TAF5: variants seen among roughly 807,000 people sequenced by gnomAD.
TAF5 encodes the protein transcription initiation factor TFIID subunit 5.
A neutral mutation model predicts 80.9 loss-of-function variants in TAF5; 20 were observed. The ratio of observed to expected loss-of-function variants is 0.25; its 90% confidence interval spans 0.17 to 0.36. The LOEUF (loss-of-function observed/expected upper bound fraction) is 0.36, where lower values mean the gene tolerates loss of function less well. Among genes scored for constraint, TAF5 ranks in the 10% least tolerant of loss-of-function variants. The probability of loss-of-function intolerance (pLI) is 1.00; values close to 1 mark genes in which losing one functional copy is unlikely to be tolerated. For synonymous variants in TAF5, 388 were observed against 406.4 expected (o/e 0.95, Z 0.55); for missense variants, 863 against 1,029.4 (o/e 0.84, Z 2.21).
At chr10:103,385,585 C>T in intron 8 of TAF5, 95 bp downstream of exon 8, 1 of 1,352,774 alleles carries the variant, frequency 7.4e-7, no homozygotes, top group East Asian at 2.5e-5. Context: ...TTTACACTTC[C>T]ATTATTGAGG....
chr10:103,373,218 G>T, intron 1 of TAF5, 140 bp from the exon 2 acceptor site: 3 of 640,828 alleles, frequency 4.7e-6, no homozygotes, highest in Non-Finnish European at 7.9e-6. Flanking sequence ...AAAAGATTAT[G>T]TGATTGTGTT....
intron 10 of TAF5, 116 bp from the exon 11 acceptor site, chr10:103,387,890 T>G (rs541406035): frequency 8.7e-7 from 1 of 1,145,680 alleles, no homozygotes; most frequent in East Asian, 2.4e-5. Flanking sequence ...ATAGAGTTAT[T>G]GGTCAAGTTT....
intron 10 of TAF5, 34 bp from the exon 11 acceptor site, chr10:103,387,972 A>G (rs369558584): frequency 1.9e-6 from 3 of 1,567,288 alleles, no homozygotes; most frequent in African/African-American, 1.4e-5. Context: ...AATATGATGG[A>G]TGCAACTAAT....
At chr10:103,379,361 A>G (rs1303628032) in intron 3 of TAF5, among the ~76,000 whole-genome samples, 4 of 152,230 alleles carry the variant, frequency 2.6e-5, no homozygotes. Context: ...GTATACTTAT[A>G]TGGACATTCC....
In TAF5 at chr10:103,388,444, A is replaced by T; in HGVS notation, c.*221A>T. On this transcript the variant is annotated 3_prime_UTR_variant, in exon 11 of 11. Transcript: ENST00000369839. Reference sequence around the variant, plus strand: ...TGAATAAGAGGTATTATGATCATGGAGGGGACATTTATGGTGCTTTGGATT... The same window carrying T: ...TGAATAAGAGGTATTATGATCATGGTGGGGACATTTATGGTGCTTTGGATT... The T allele has an allele frequency of 2.2e-6, 1 of 448,320 alleles. No homozygotes were observed. The highest frequency in any genetic ancestry group is 3.4e-5 in the South Asian group (1 of 29,494). The allele number at this position is 448,320 out of a possible 1,614,324, so 27.8% of individuals were successfully genotyped here.
Position 103,379,779 on chromosome 10 carries a change from A to G in TAF5, c.1277+8A>G, listed in dbSNP as rs893351019. The G allele has an allele frequency of 1.3e-6, 2 of 1,592,322 alleles. No homozygotes were observed. The highest frequency in any genetic ancestry group is 2.7e-5 in the African/African-American group (2 of 73,272). ...TGCTCCACCTCAGAACAGGTGAGGA[A>G]AAAACTTCAGGAACTTGTGTGTGGA... is the stretch of plus-strand genomic sequence containing the variant. On this transcript the variant is annotated splice_region_variant and intron_variant, in intron 4 of 10. Coordinates refer to ENST00000369839, the MANE Select transcript of TAF5 (RefSeq NM_006951.5).
At chr10:103,380,916 C>T (rs1417854029) in intron 5 of TAF5, among the ~76,000 whole-genome samples, 1 of 152,054 alleles carries the variant, frequency 6.6e-6, no homozygotes, top group Non-Finnish European at 1.5e-5. Flanking sequence ...CCACCGTGCC[C>T]AGCCATATAA....
chr10:103,376,767 G>A (rs984024708), intron 2 of TAF5, among the ~76,000 whole-genome samples: 3 of 152,032 alleles, frequency 2.0e-5, no homozygotes, highest in Admixed American at 6.6e-5. Context: ...AAATTGAGCC[G>A]GGCATGGTGG....
chr10:103,384,515 T>G (rs998971639), intron 7 of TAF5, among the ~76,000 whole-genome samples: 1 of 151,994 alleles, frequency 6.6e-6, no homozygotes, highest in African/African-American at 2.4e-5. Flanking sequence ...CCTGTAATCC[T>G]GGCTACTTGG....
At chr10:103,382,406 G>A (rs372009277) in intron 6 of TAF5, among the ~76,000 whole-genome samples, 2 of 151,932 alleles carry the variant, frequency 1.3e-5, no homozygotes, top group East Asian at 1.9e-4. Context: ...TGTATTTTTA[G>A]TAGAGATAGG....
At chr10:103,383,397 T>C in intron 7 of TAF5, 30 bp downstream of exon 7, 1 of 1,554,736 alleles carries the variant, frequency 6.4e-7, no homozygotes, top group Non-Finnish European at 8.6e-7. Context: ...AATTAAATAC[T>C]GCTATGTTAT....
chr10:103,387,846 T>TA, intron 10 of TAF5, 148 bp downstream of exon 10: 1 of 1,121,848 alleles, frequency 8.9e-7, no homozygotes, highest in South Asian at 1.5e-5. Flanking sequence ...CTTCTCAGGT[T>TA]AAAGTACTGC....
chr10:103,385,988 A>T (rs1360445795), intron 8 of TAF5, among the ~76,000 whole-genome samples: 2 of 151,540 alleles, frequency 1.3e-5, no homozygotes, highest in Non-Finnish European at 2.9e-5. Context: ...TTATATCTGC[A>T]ATTACATCTA....
chr10:103,383,844 C>T (rs942355343), intron 7 of TAF5, among the ~76,000 whole-genome samples: 1 of 152,134 alleles, frequency 6.6e-6, no homozygotes, highest in African/African-American at 2.4e-5. Context: ...TCCCAAAGTG[C>T]TGGGATTACA....
chr10:103,382,014 A>C (rs897375423), intron 6 of TAF5, among the ~76,000 whole-genome samples, 173 bp downstream of exon 6: 3 of 152,214 alleles, frequency 2.0e-5, no homozygotes, highest in Admixed American at 1.3e-4. Context: ...CTGGGGTGCT[A>C]GACTGGTTTA....
Position 103,373,603 on chromosome 10 carries a change from A to C in TAF5, c.797+8A>C, listed in dbSNP as rs746558010. On this transcript the variant is annotated splice_region_variant and intron_variant, in intron 2 of 10. Coordinates refer to ENST00000369839, the MANE Select transcript of TAF5 (RefSeq NM_006951.5). ...AAAGTCATTCTTTGAGAAGTATGTAAATTTTTACATATATATATATACACA... is the reference window on the plus strand; with the variant it reads ...AAAGTCATTCTTTGAGAAGTATGTACATTTTTACATATATATATATACACA... 6.9e-6 allele frequency: 11 copies of C among 1,587,418 alleles called. No individual in the cohort carries two copies. Among genetic ancestry groups the C allele is most frequent in the Non-Finnish European group, 8.6e-6 (10 of 1,157,240 alleles).
chr10:103,376,532 C>T (rs1391776922), intron 2 of TAF5, among the ~76,000 whole-genome samples: 2 of 151,430 alleles, frequency 1.3e-5, no homozygotes, highest in Non-Finnish European at 2.9e-5. Context: ...TATTAGGATG[C>T]CTAATAGGAA....
chr10:103,386,001 T>A (rs1170273596), intron 8 of TAF5, among the ~76,000 whole-genome samples: 1 of 149,454 alleles, frequency 6.7e-6, no homozygotes, highest in African/African-American at 2.5e-5. Flanking sequence ...TACATCTATA[T>A]GAATCCTGGT....
At chr10:103,376,621 C>T (rs1295240226) in intron 2 of TAF5, among the ~76,000 whole-genome samples, 1 of 151,742 alleles carries the variant, frequency 6.6e-6, no homozygotes, top group Non-Finnish European at 1.5e-5. Context: ...AGAACTTCTA[C>T]CCTAGAAGCT....
Sources: allele counts gnomAD v4.1 joint callset (sites outside exome capture counted in the v4.1 genomes callset), GRCh38; gene constraint gnomAD v4.1.1; transcripts MANE v1.5; gene names NCBI Gene and HGNC (gene_info 2026-07-23, HGNC 2026-07-21).